Variants in UTP20 observed in about 807,000 individuals in gnomAD.
UTP20 encodes small subunit processome component 20 homolog.
In UTP20, 164 loss-of-function variants were observed where a neutral mutation model predicts 329.5. The ratio of observed to expected loss-of-function variants is 0.50; its 90% confidence interval spans 0.44 to 0.57. The LOEUF is 0.57. UTP20 is among the 20% of genes least tolerant of loss of function. The probability of loss-of-function intolerance (pLI) is 0.00; values close to 1 mark genes in which losing one functional copy is unlikely to be tolerated. For missense variants in UTP20, 3,055 were observed against 3,284.2 expected (o/e 0.93, Z 1.71); for synonymous variants, 1,151 against 1,159.3 (o/e 0.99, Z 0.14).
intron 5 of UTP20, among the ~76,000 whole-genome samples, chr12:101,287,248 C>G (rs549439800): frequency 6.6e-6 from 1 of 152,326 alleles, no homozygotes; most frequent in East Asian, 1.9e-4. Context: ...CCACCGTTCT[C>G]TTTTAGGAAC....
chr12:101,371,193 T>A, intron 51 of UTP20, 25 bp downstream of exon 51: 2 of 1,544,684 alleles, frequency 1.3e-6, no homozygotes, highest in Non-Finnish European at 1.8e-6. Flanking sequence ...CTTATCCCCA[T>A]AGCAAGGGCT....
intron 50 of UTP20, 134 bp downstream of exon 50, chr12:101,370,697 T>C (rs769876047): frequency 9.0e-6 from 9 of 1,004,548 alleles, no homozygotes; most frequent in Non-Finnish European, 1.3e-5. Context: ...ATTATGATTT[T>C]GGTGGGTCAA....
At chr12:101,333,955 T>C (rs957300432) in intron 28 of UTP20, among the ~76,000 whole-genome samples, 1 of 152,214 alleles carries the variant, frequency 6.6e-6, no homozygotes, top group Non-Finnish European at 1.5e-5. Flanking sequence ...TGAGCCACTG[T>C]GCCCGGCCTG....
At chr12:101,318,248 G>T (rs1467517161) in intron 22 of UTP20, among the ~76,000 whole-genome samples, 1 of 152,154 alleles carries the variant, frequency 6.6e-6, no homozygotes, top group Non-Finnish European at 1.5e-5. Flanking sequence ...GCTTTTAGAA[G>T]TTACTTCAGC....
Position 101,355,570 on chromosome 12 carries a change from T to G in UTP20, c.5394+452T>G, listed in dbSNP as rs1325787824. ...GGTTGGCCAACTATGGCTCAGGGAC[T>G]AAATCTAGCCTGTGGCCTGTTTTTG... On this transcript the variant is annotated intron_variant, in intron 41 of 61. Coordinates refer to ENST00000261637, the MANE Select transcript of UTP20 (RefSeq NM_014503.3). Among the ~76,000 whole-genome samples, 4 of 152,210 alleles carry G rather than the reference T, an allele frequency of 2.6e-5. No homozygotes were observed. The East Asian group carries it at 5.8e-4, about 22-fold the overall frequency.
At position 101,319,625 on chromosome 12, in the gene UTP20, T is replaced by TA; in HGVS notation, c.2820dup (p.Tyr941IlefsTer24). 6.2e-7 allele frequency: 1 copy of TA among 1,602,162 alleles called. No individual in the cohort carries two copies. The highest frequency in any genetic ancestry group is 2.2e-5 in the East Asian group (1 of 44,684). Reference sequence around the variant, plus strand: ...TATCTGGAATCCAAACTATATGAGTTATATCTTCAGGTCAGTAAAATAAAC... The same window carrying TA: ...TATCTGGAATCCAAACTATATGAGTTAATATCTTCAGGTCAGTAAAATAAAC... On this transcript the variant is annotated frameshift_variant, in exon 23 of 62. Transcript: ENST00000261637. LOFTEE classifies it high-confidence loss of function.
intron 56 of UTP20, among the ~76,000 whole-genome samples, chr12:101,378,657 T>C (rs925822610): frequency 1.3e-5 from 2 of 151,730 alleles, no homozygotes; most frequent in African/African-American, 2.4e-5. Context: ...AGGCAGAGGT[T>C]GTAGTGAGCT....
rs1297016587 is a variant in UTP20 at position 101,386,189 on chromosome 12, G to A, written c.*66G>A. On this transcript the variant is annotated 3_prime_UTR_variant, in exon 62 of 62. Coordinates refer to ENST00000261637, the MANE Select transcript of UTP20 (RefSeq NM_014503.3). ...TTCTGCTAGTCTGAAATTACAGTAG[G>A]TTGTCTGGGGTAGGGGGGAGGCGTT... 7 of 1,475,526 alleles carry A rather than the reference G, an allele frequency of 4.7e-6. No individual in the cohort carries two copies. The highest frequency in any genetic ancestry group is 5.5e-6 in the Non-Finnish European group (6 of 1,092,188). The allele number at this position is 1,475,526 out of a possible 1,614,324, so 91.4% of individuals were successfully genotyped here.
chr12:101,290,335 G>C (rs1872098263), intron 7 of UTP20, 61 bp downstream of exon 7: 3 of 1,523,884 alleles, frequency 2.0e-6, no homozygotes, highest in Non-Finnish European at 2.6e-6. Context: ...AAGTAGAAAA[G>C]AATGAGGCAA....
intron 26 of UTP20, among the ~76,000 whole-genome samples, 197 bp from the exon 27 acceptor site, chr12:101,329,044 G>A (rs768484198): frequency 5.3e-5 from 8 of 152,030 alleles, no homozygotes; most frequent in South Asian, 2.1e-4. Context: ...AGTTAAACCT[G>A]TCTTATGTAG....
intron 55 of UTP20, among the ~76,000 whole-genome samples, chr12:101,375,272 G>A (rs750095225): frequency 6.6e-6 from 1 of 151,288 alleles, no homozygotes; most frequent in African/African-American, 2.4e-5. Flanking sequence ...AAAAAAAAAT[G>A]GGGGGTTGGG....
Position 101,290,849 on chromosome 12 carries a change from C to A in UTP20, c.852C>A (p.Ile284=). Residue 284 remains isoleucine, a synonymous_variant, in exon 8 of 62, where the codon ATC becomes ATA. Coordinates refer to ENST00000261637, the MANE Select transcript of UTP20 (RefSeq NM_014503.3). The part of the protein sequence containing the change: ...KNMVKSTVSY[I]SKEHFGTFFE... ...TGGTCAAATCCACTGTATCCTACAT[C>A]TCCAAGGAACATTTTGGTACATTTT... 1 of 1,613,436 alleles carries A rather than the reference C, an allele frequency of 6.2e-7. No homozygotes were observed. Among genetic ancestry groups the A allele is most frequent in the South Asian group, 1.1e-5 (1 of 90,804 alleles).
chr12:101,361,923 T>C (rs986174280), intron 43 of UTP20, 39 bp from the exon 44 acceptor site: 1 of 1,467,866 alleles, frequency 6.8e-7, no homozygotes. Flanking sequence ...TAGTGTGACA[T>C]TGTTAATATT....
chr12:101,309,877 T>G (rs978790160), intron 19 of UTP20, 38 bp downstream of exon 19: 1 of 1,566,364 alleles, frequency 6.4e-7, no homozygotes, highest in South Asian at 1.1e-5. Context: ...TATTATACTT[T>G]AACTACTGCA....
chr12:101,311,415 A>G (rs1193385638), intron 19 of UTP20, among the ~76,000 whole-genome samples: 1 of 152,192 alleles, frequency 6.6e-6, no homozygotes, highest in African/African-American at 2.4e-5. Context: ...TCTTCTCTTA[A>G]TGGATCTTAT....
intron 40 of UTP20, among the ~76,000 whole-genome samples, chr12:101,353,785 A>G (rs1309508334): frequency 6.6e-6 from 1 of 152,236 alleles, no homozygotes; most frequent in Non-Finnish European, 1.5e-5. Flanking sequence ...GTAAAAATGT[A>G]AGATGTAATA....
At chr12:101,290,654 T>C in intron 7 of UTP20, 79 bp from the exon 8 acceptor site, 6 of 1,444,946 alleles carry the variant, frequency 4.2e-6, no homozygotes, top group Non-Finnish European at 4.6e-6. Context: ...GTAGCTAATG[T>C]AATCAGAGTG....
In UTP20 at chr12:101,299,968, G is replaced by C. The variant is rs1437493725; in HGVS notation, c.1587-5G>C. On this transcript the variant is annotated splice_region_variant and splice_polypyrimidine_tract_variant and intron_variant, in intron 13 of 61. Coordinates refer to ENST00000261637, the MANE Select transcript of UTP20 (RefSeq NM_014503.3). ...AACTTTTCCCTTTTTCTCCCCCTTG[G>C]ACAGACCTCTTGAGAAAGAGAAGGT... 1 of 1,614,048 alleles carries C rather than the reference G, an allele frequency of 6.2e-7. No individual in the cohort carries two copies. Among genetic ancestry groups the C allele is most frequent in the South Asian group, 1.1e-5 (1 of 91,062 alleles).
At position 101,338,955 on chromosome 12, in the gene UTP20, A is replaced by G. The variant is rs1280733632; in HGVS notation, c.4011A>G (p.Ser1337=). 1 of 1,589,308 alleles carries G rather than the reference A, an allele frequency of 6.3e-7. No homozygotes were observed. The highest frequency in any genetic ancestry group is 8.5e-7 in the Non-Finnish European group (1 of 1,173,868). ...AQVSKELGIL[S]KISKFMKDKE... is the part of the protein sequence containing the mutation. ...TCAGTAAAGAGCTTGGCATTCTTTC[A>G]AAGTAAGTGATATGTTGATACTTAA... is the stretch of plus-strand genomic sequence containing the variant. The change falls in exon 31 of 62, where the codon TCA becomes TCG. Residue 1337 remains serine (S), a splice_region_variant and synonymous_variant. Coordinates refer to ENST00000261637, the MANE Select transcript of UTP20 (RefSeq NM_014503.3).
Sources: gnomAD v4.1 joint callset for allele counts (sites outside exome capture counted in the v4.1 genomes callset) on GRCh38, gnomAD v4.1.1 for gene constraint, MANE v1.5 for transcripts, NCBI Gene and HGNC (gene_info 2026-07-23, HGNC 2026-07-21) for gene names.